PLEKHG1: variants seen among roughly 807,000 people sequenced by gnomAD.
PLEKHG1 encodes pleckstrin homology domain-containing family G member 1.
PLEKHG1 carries 44 observed loss-of-function variants against 100.8 expected under a neutral mutation model. That is an observed-to-expected ratio of 0.44 (90% CI 0.34 to 0.56). PLEKHG1 has a LOEUF of 0.56. PLEKHG1 is among the 20% of genes least tolerant of loss of function. PLEKHG1 has a pLI of 0.01. For missense variants in PLEKHG1, 1,545 were observed against 1,720.9 expected (o/e 0.90, Z 1.81); for synonymous variants, 640 against 662.5 (o/e 0.97, Z 0.52).
chr6:150,750,624 CA>C (rs1210132041), intron 2 of PLEKHG1, among the ~76,000 whole-genome samples: 2 of 151,038 alleles, frequency 1.3e-5, no homozygotes, highest in Non-Finnish European at 3.0e-5. Flanking sequence ...ACTAAAAATA[CA>C]AAAAAATTAG....
chr6:150,680,841 T>TA (rs2128588971), intron 3 of PLEKHG1, among the ~76,000 whole-genome samples: 1 of 152,216 alleles, frequency 6.6e-6, no homozygotes, highest in African/African-American at 2.4e-5. Flanking sequence ...TTTGTAGCTT[T>TA]TACACTTGAA....
intron 2 of PLEKHG1, among the ~76,000 whole-genome samples, chr6:150,765,497 G>GA (rs10687014): frequency 3.4e-5 from 5 of 145,906 alleles, no homozygotes; most frequent in South Asian, 2.2e-4. Flanking sequence ...CTGTCTCAAA[G>GA]AAAAAAAAAA....
At chr6:150,639,822 C>T (rs961917945) in intron 2 of PLEKHG1, among the ~76,000 whole-genome samples, 2 of 152,200 alleles carry the variant, frequency 1.3e-5, no homozygotes, top group Non-Finnish European at 2.9e-5. Flanking sequence ...AGCCATGGAC[C>T]AGGCAGGAAT....
intron 3 of PLEKHG1, among the ~76,000 whole-genome samples, chr6:150,714,403 T>C (rs768402445): frequency 1.6e-4 from 24 of 152,198 alleles, no homozygotes; most frequent in Non-Finnish European, 3.2e-4. Context: ...CAGGGAGGAA[T>C]GCTTGAAACA....
At chr6:150,698,569 C>T (rs577015904) in intron 3 of PLEKHG1, among the ~76,000 whole-genome samples, 2 of 69,766 alleles carry the variant, frequency 2.9e-5, no homozygotes, top group African/African-American at 1.4e-4. Flanking sequence ...ATTGATTACA[C>T]TATAACAATA....
intron 1 of PLEKHG1, among the ~76,000 whole-genome samples, chr6:150,610,072 A>C (rs1475574674): frequency 6.6e-6 from 1 of 152,050 alleles, no homozygotes; most frequent in African/African-American, 2.4e-5. Flanking sequence ...GCTCCCTGGC[A>C]TCCTGGGTAC....
At chr6:150,792,748 T>C (rs1171912947) in intron 4 of PLEKHG1, among the ~76,000 whole-genome samples, 2 of 152,104 alleles carry the variant, frequency 1.3e-5, no homozygotes, top group Admixed American at 6.5e-5. Flanking sequence ...GAAATGATGA[T>C]TGCCCTACAG....
chr6:150,656,113 TCAAC>T (rs373863899), intron 3 of PLEKHG1, among the ~76,000 whole-genome samples: 113 of 151,130 alleles, frequency 7.5e-4, no homozygotes, highest in Non-Finnish European at 1.4e-3. Flanking sequence ...TAAAAAAAAA[TCAAC>T]CAATAAAAAA....
At chr6:150,745,889 C>T (rs1235494245) in intron 2 of PLEKHG1, among the ~76,000 whole-genome samples, 1 of 152,102 alleles carries the variant, frequency 6.6e-6, no homozygotes, top group Admixed American at 6.6e-5. Flanking sequence ...AAGCCACCAG[C>T]TGCCCACACC....
intron 1 of PLEKHG1, among the ~76,000 whole-genome samples, chr6:150,635,268 T>G (rs1468357522): frequency 6.6e-6 from 1 of 152,220 alleles, no homozygotes; most frequent in African/African-American, 2.4e-5. Context: ...TTGTGGAGAC[T>G]GTGCTGCAAA....
rs1780827024 is a variant in PLEKHG1, at chr6:150,702,409, G to T, written c.-98-31175G>T. Among the ~76,000 whole-genome samples the T allele has an allele frequency of 2.6e-5, 4 of 152,110 alleles. No individual in the cohort carries two copies. The South Asian group carries it at 8.3e-4, about 32-fold the overall frequency. On this transcript the variant is annotated intron_variant, in intron 3 of 3. Coordinates refer to the PLEKHG1 transcript ENST00000367326. ...CGCTTGAACCCCAGAGGCAGAGGTT[G>T]CAGAGAGCCAAGATCATGCCATTGC...
At chr6:150,829,032 C>G (rs1481737343) in intron 14 of PLEKHG1, among the ~76,000 whole-genome samples, 1 of 152,144 alleles carries the variant, frequency 6.6e-6, no homozygotes, top group Non-Finnish European at 1.5e-5. Flanking sequence ...ATTATTGTCT[C>G]TCTACTCCTC....
At chr6:150,734,214 A>C (rs1782448069) in intron 2 of PLEKHG1, 122 bp downstream of exon 3, 1 of 956,024 alleles carries the variant, frequency 1.0e-6, no homozygotes. Flanking sequence ...TGAATGTTTA[A>C]AGAGAGAGTA....
chr6:150,804,938 C>CTTT (rs11366163), intron 7 of PLEKHG1, among the ~76,000 whole-genome samples, 197 bp downstream of exon 8: 1 of 147,426 alleles, frequency 6.8e-6, no homozygotes, highest in Non-Finnish European at 1.5e-5. Flanking sequence ...GATATTATAA[C>CTTT]TTTTTTTTTT....
rs372612259 is a variant in PLEKHG1 at position 150,831,185 on chromosome 6, C to T, written c.2074C>T (p.Arg692Cys). Residue 692 changes from arginine (R) to cysteine (C), a missense_variant, in exon 15 of 16, where the codon CGC (arginine) becomes TGC (cysteine). Transcript: ENST00000358517. This position sits in a 1 kb window ranked among gnomAD's most constrained non-coding sequence, Gnocchi z 4.1. ...CTCTAAATCAGCCAGGGACTCCGTT[C>T]GCCCCAAGAGCACCCCAGAGTTAGC... 3.0e-5 allele frequency: 48 copies of T among 1,613,964 alleles called. No individual in the cohort carries two copies. The highest frequency in any genetic ancestry group is 3.6e-5 in the Non-Finnish European group (42 of 1,180,004).
At chr6:150,820,986 A>G (rs1476360709) in intron 12 of PLEKHG1, among the ~76,000 whole-genome samples, 1 of 152,246 alleles carries the variant, frequency 6.6e-6, no homozygotes, top group Non-Finnish European at 1.5e-5. Flanking sequence ...GTGACTCCTG[A>G]TAACACAGCA....
At chr6:150,839,842 T>C (rs1777420699) in exon 16 of PLEKHG1, 14 of 1,601,998 alleles carry the variant, frequency 8.7e-6, no homozygotes, top group Non-Finnish European at 1.1e-5. Flanking sequence ...GGTGCCAGGA[T>C]TGCTGAGTAT....
intron 15 of PLEKHG1, among the ~76,000 whole-genome samples, chr6:150,833,060 T>G (rs1229438621): frequency 7.6e-6 from 1 of 132,290 alleles, no homozygotes; most frequent in African/African-American, 2.7e-5. Context: ...TTTTTTTTTT[T>G]GAGATAGGGT....
At chr6:150,809,353 C>G in intron 8 of PLEKHG1, 28 bp from the exon 10 acceptor site, 1 of 1,610,322 alleles carries the variant, frequency 6.2e-7, no homozygotes, top group Non-Finnish European at 8.5e-7. Flanking sequence ...CTGAGTGTGC[C>G]TCACCCTCTC....
Sources: allele counts gnomAD v4.1 joint callset (sites outside exome capture counted in the v4.1 genomes callset), GRCh38; gene constraint gnomAD v4.1.1; non-coding constraint Gnocchi (gnomAD v3.1); transcripts MANE v1.5; gene names NCBI Gene and HGNC (gene_info 2026-07-23, HGNC 2026-07-21).